The following OSBPL6 variants were observed in gnomAD, a reference collection of about 807,000 sequenced individuals.
OSBPL6 encodes oxysterol-binding protein-related protein 6.
OSBPL6 carries 49 observed loss-of-function variants against 125.8 expected under a neutral mutation model. The ratio of observed to expected loss-of-function variants is 0.39; its 90% confidence interval spans 0.31 to 0.49. The LOEUF is 0.49. Among genes scored for constraint, OSBPL6 ranks in the 20% least tolerant of loss-of-function variants. OSBPL6 has a pLI of 0.88. For missense variants in OSBPL6, 986 were observed against 1,135.4 expected, an observed-to-expected ratio of 0.87 and a Z score of 1.89; for synonymous variants, 394 against 391.8, an observed-to-expected ratio of 1.01 and a Z score of -0.07.
At chr2:178,311,382 A>G (rs886311799) in intron 3 of OSBPL6, among the ~76,000 whole-genome samples, 3 of 151,978 alleles carry the variant, frequency 2.0e-5, no homozygotes, top group African/African-American at 7.3e-5. Context: ...TTGTCCACTT[A>G]GCTGGTTTGA....
At chr2:178,394,276 G>T (rs779527860) in intron 23 of OSBPL6, 37 bp from the exon 24 acceptor site, 2 of 1,599,548 alleles carry the variant, frequency 1.3e-6, no homozygotes, top group Non-Finnish European at 1.7e-6. Context: ...CCAGAAAAGA[G>T]GATAATATGT....
intron 1 of OSBPL6, among the ~76,000 whole-genome samples, chr2:178,203,706 G>C (rs1283689732): frequency 6.6e-6 from 1 of 152,158 alleles, no homozygotes; most frequent in Non-Finnish European, 1.5e-5. Flanking sequence ...GCTTTGTTCT[G>C]TGACGCAATT....
At chr2:178,229,118 T>G (rs1574554049) in intron 1 of OSBPL6, among the ~76,000 whole-genome samples, 1 of 152,052 alleles carries the variant, frequency 6.6e-6, no homozygotes, top group Non-Finnish European at 1.5e-5. Flanking sequence ...ATACAAGGGG[T>G]GGCCCCGCCT....
At chr2:178,391,571 T>C (rs931111834) in intron 22 of OSBPL6, among the ~76,000 whole-genome samples, 1 of 152,244 alleles carries the variant, frequency 6.6e-6, no homozygotes. Flanking sequence ...ACTCATGTTA[T>C]TTATTCTCTG....
At chr2:178,337,291 G>A (rs750802160) in intron 9 of OSBPL6, among the ~76,000 whole-genome samples, 1 of 151,944 alleles carries the variant, frequency 6.6e-6, no homozygotes, top group Admixed American at 6.6e-5. Flanking sequence ...GTAGATATTA[G>A]ATCACTTTTT....
At chr2:178,391,032 TAAAGCCATC>T (rs763610916) in intron 21 of OSBPL6, 32 bp from the exon 22 acceptor site, 1 of 1,608,500 alleles carries the variant, frequency 6.2e-7, no homozygotes, top group Non-Finnish European at 8.5e-7. Context: ...ATGATGTTAT[TAAAGCCATC>T]AAATGTCACA....
chr2:178,365,834 G>A (rs889336115), intron 13 of OSBPL6, among the ~76,000 whole-genome samples: 6 of 152,104 alleles, frequency 3.9e-5, no homozygotes, highest in South Asian at 2.1e-4. Flanking sequence ...ATTTTATGTG[G>A]CATCTATCCC....
At chr2:178,304,303 C>T (rs945167492) in intron 2 of OSBPL6, among the ~76,000 whole-genome samples, 3 of 152,150 alleles carry the variant, frequency 2.0e-5, no homozygotes, top group East Asian at 1.9e-4. Flanking sequence ...AATTGACTCA[C>T]GGTTCTGCAT....
chr2:178,328,647 C>G (rs977256594), intron 5 of OSBPL6, among the ~76,000 whole-genome samples: 1 of 152,068 alleles, frequency 6.6e-6, no homozygotes, highest in Non-Finnish European at 1.5e-5. Context: ...GCCACCATGC[C>G]TGACTAATTT....
At chr2:178,228,336 C>T (rs530521122) in intron 1 of OSBPL6, among the ~76,000 whole-genome samples, 2 of 152,128 alleles carry the variant, frequency 1.3e-5, no homozygotes, top group African/African-American at 2.4e-5. Flanking sequence ...GAGATCGAGA[C>T]CATCCTGGCT....
chr2:178,390,827 A>T (rs1427254458), intron 21 of OSBPL6, among the ~76,000 whole-genome samples: 2 of 152,258 alleles, frequency 1.3e-5, no homozygotes, highest in Non-Finnish European at 2.9e-5. Context: ...GGTTCTTGGG[A>T]TAGAAGCTGA....
intron 12 of OSBPL6, among the ~76,000 whole-genome samples, chr2:178,351,211 T>G (rs533040258): frequency 6.6e-5 from 10 of 152,272 alleles, no homozygotes; most frequent in African/African-American, 2.2e-4. Flanking sequence ...TCCTCCTGCT[T>G]CTGTTCAACA....
chr2:178,231,419 C>T (rs2090811707), intron 1 of OSBPL6, among the ~76,000 whole-genome samples: 1 of 152,112 alleles, frequency 6.6e-6, no homozygotes, highest in African/African-American at 2.4e-5. Context: ...CAACTGCTGG[C>T]ATTCACCCGT....
chr2:178,381,940 T>C (rs1011180759), intron 15 of OSBPL6, among the ~76,000 whole-genome samples: 4 of 152,228 alleles, frequency 2.6e-5, no homozygotes, highest in Non-Finnish European at 5.9e-5. Context: ...GCACGATCTC[T>C]CTTCTTTGTG....
chr2:178,363,951 C>T (rs1018459853), intron 13 of OSBPL6, among the ~76,000 whole-genome samples: 20 of 152,186 alleles, frequency 1.3e-4, no homozygotes, highest in Admixed American at 3.3e-4. Flanking sequence ...TTCACATCCC[C>T]GTGTGTGTCC....
intron 1 of OSBPL6, among the ~76,000 whole-genome samples, chr2:178,220,765 A>G (rs2090303700): frequency 6.6e-6 from 1 of 152,212 alleles, no homozygotes; most frequent in Admixed American, 6.5e-5. Flanking sequence ...GCAGCAGATG[A>G]GTTGTCTATG....
chr2:178,387,379 C>G (rs964366625), intron 20 of OSBPL6, among the ~76,000 whole-genome samples: 5 of 152,204 alleles, frequency 3.3e-5, no homozygotes, highest in Non-Finnish European at 1.5e-5. Flanking sequence ...CCAGGTACCT[C>G]CCATGGCCCA....
chr2:178,304,224 A>G (rs1413890449), intron 2 of OSBPL6, among the ~76,000 whole-genome samples: 1 of 152,202 alleles, frequency 6.6e-6, no homozygotes, highest in East Asian at 1.9e-4. Flanking sequence ...CACAAGCTGT[A>G]TCAGTCAATT....
At chr2:178,368,363 T>C (rs2154102951) in intron 13 of OSBPL6, among the ~76,000 whole-genome samples, 1 of 152,258 alleles carries the variant, frequency 6.6e-6, no homozygotes, top group East Asian at 1.9e-4. Context: ...ACAGTCTTGA[T>C]TTCCATGCTT....
Sources: allele counts gnomAD v4.1 joint callset (sites outside exome capture counted in the v4.1 genomes callset), GRCh38; gene constraint gnomAD v4.1.1; transcripts MANE v1.5; gene names NCBI Gene and HGNC (gene_info 2026-07-23, HGNC 2026-07-21).